Variants in SNTB1 observed in about 807,000 individuals in gnomAD.
SNTB1 encodes syntrophin beta 1, also known as beta-1-syntrophin.
In SNTB1, 36 loss-of-function variants were observed where a neutral mutation model predicts 48.9. The ratio of observed to expected loss-of-function variants is 0.74; its 90% CI spans 0.56 to 0.97. SNTB1 has a LOEUF of 0.97. Ranked by LOEUF, SNTB1 falls within the 50% of genes least tolerant of loss-of-function variation. The pLI is 0.00. For missense variants in SNTB1, 786 were observed against 703.4 expected, an observed-to-expected ratio of 1.12 and a Z score of -1.33; for synonymous variants, 299 against 294.6, an observed-to-expected ratio of 1.01 and a Z score of -0.15.
chr8:120,641,347 AT>A (rs1817193416), intron 2 of SNTB1, among the ~76,000 whole-genome samples: 1 of 152,188 alleles, frequency 6.6e-6, no homozygotes, highest in Non-Finnish European at 1.5e-5. Flanking sequence ...AATATCTATT[AT>A]TCTAGGAATT....
intron 3 of SNTB1, among the ~76,000 whole-genome samples, chr8:120,610,291 T>A (rs1816599271): frequency 6.6e-6 from 1 of 152,080 alleles, no homozygotes; most frequent in Admixed American, 6.5e-5. Context: ...CACATACCAC[T>A]GTGCCCAGCT....
chr8:120,733,056 G>C (rs1184913210), intron 1 of SNTB1, among the ~76,000 whole-genome samples: 1 of 152,198 alleles, frequency 6.6e-6, no homozygotes, highest in Non-Finnish European at 1.5e-5. Context: ...ACATCACAGG[G>C]ATGATTGATA....
chr8:120,569,066 C>T (rs1176216284), intron 4 of SNTB1, among the ~76,000 whole-genome samples: 2 of 152,192 alleles, frequency 1.3e-5, no homozygotes, highest in Admixed American at 6.5e-5. Flanking sequence ...ACTGCAATGC[C>T]GCCTCCCAGG....
chr8:120,560,287 A>G (rs545135250), intron 4 of SNTB1, among the ~76,000 whole-genome samples: 2 of 152,334 alleles, frequency 1.3e-5, no homozygotes, highest in East Asian at 3.9e-4. Context: ...GTTCGAGACC[A>G]GCCTGGCCAA....
At position 120,537,821 on chromosome 8, in the gene SNTB1, A is replaced by G. The variant is rs1815224158; in HGVS notation, c.*1056T>C. 2 of 152,238 alleles carry G rather than the reference A, an allele frequency of 1.3e-5. No homozygotes were observed. The highest frequency in any genetic ancestry group is 1.3e-4 in the Admixed American group (2 of 15,282). 9.4% of individuals were successfully genotyped at this position (152,238 alleles called of 1,614,324 possible). ...CTGGAATTCTGAAAGAACTGCAGAT[A>G]CTGTCAATAGATTTGATTATAGCAT... On this transcript the variant is annotated 3_prime_UTR_variant, in exon 7 of 7. Coordinates refer to ENST00000517992, the MANE Select transcript of SNTB1 (RefSeq NM_021021.4).
chr8:120,771,933 G>C (rs915991642), intron 1 of SNTB1, among the ~76,000 whole-genome samples: 3 of 152,018 alleles, frequency 2.0e-5, no homozygotes, highest in African/African-American at 7.2e-5. Flanking sequence ...GCAGTGGCAC[G>C]CACTTGGCTC....
At chr8:120,773,773 T>C (rs1385614431) in intron 1 of SNTB1, among the ~76,000 whole-genome samples, 5 of 152,232 alleles carry the variant, frequency 3.3e-5, no homozygotes, top group Admixed American at 6.5e-5. Flanking sequence ...ACTATTATTA[T>C]AGAGATAAGG....
At chr8:120,667,264 C>T (rs1294469311) in intron 2 of SNTB1, among the ~76,000 whole-genome samples, 1 of 152,144 alleles carries the variant, frequency 6.6e-6, no homozygotes, top group Non-Finnish European at 1.5e-5. Flanking sequence ...GGTACTACAG[C>T]TGGCTCTAGT....
intron 2 of SNTB1, among the ~76,000 whole-genome samples, chr8:120,685,019 C>T (rs1251641545): frequency 6.6e-6 from 1 of 152,242 alleles, no homozygotes; most frequent in Non-Finnish European, 1.5e-5. Context: ...TCCAGACACA[C>T]TGGGATGGGG....
intron 1 of SNTB1, among the ~76,000 whole-genome samples, chr8:120,787,263 T>C (rs1587162758): frequency 6.6e-6 from 1 of 151,946 alleles, no homozygotes; most frequent in Non-Finnish European, 1.5e-5. Context: ...ATGAAATAGT[T>C]TACCTAAAAA....
intron 3 of SNTB1, among the ~76,000 whole-genome samples, chr8:120,588,227 T>C (rs1036483102): frequency 3.3e-5 from 5 of 152,132 alleles, no homozygotes; most frequent in African/African-American, 1.2e-4. Flanking sequence ...TGTTAAAATG[T>C]AGGGAGTGTC....
At chr8:120,592,466 C>T (rs1816257110) in intron 3 of SNTB1, among the ~76,000 whole-genome samples, 1 of 152,070 alleles carries the variant, frequency 6.6e-6, no homozygotes, top group East Asian at 1.9e-4. Context: ...AGGTGTGATC[C>T]ACTGTGCCTG....
chr8:120,566,541 C>G lies in SNTB1; in HGVS notation c.1136+8545G>C, dbSNP rs531560369. On this transcript the variant is annotated intron_variant, in intron 4 of 6. Transcript: ENST00000517992. ...ACATTTCTATTATTTATAAATTACCCAGGCTAAGGTATTTTGTTATAGCAG... is the reference window on the plus strand; with the variant it reads ...ACATTTCTATTATTTATAAATTACCGAGGCTAAGGTATTTTGTTATAGCAG... 7.9e-5 allele frequency among the ~76,000 whole-genome samples: 12 copies of G among 152,178 alleles called. No individual in the cohort carries two copies. The South Asian group carries it at 2.5e-3, about 32-fold the overall frequency.
chr8:120,620,445 C>G (rs1390190251), intron 3 of SNTB1, among the ~76,000 whole-genome samples: 2 of 152,130 alleles, frequency 1.3e-5, no homozygotes, highest in Non-Finnish European at 2.9e-5. Context: ...AGGTAGGTCT[C>G]CATGCAAAGC....
At chr8:120,738,179 A>G (rs1236709210) in intron 1 of SNTB1, among the ~76,000 whole-genome samples, 1 of 152,180 alleles carries the variant, frequency 6.6e-6, no homozygotes, top group Admixed American at 6.5e-5. Flanking sequence ...TCTATGAACC[A>G]TAAGTGGGCC....
intron 1 of SNTB1, among the ~76,000 whole-genome samples, chr8:120,752,405 C>A (rs927502424): frequency 4.6e-5 from 7 of 151,934 alleles, no homozygotes; most frequent in African/African-American, 1.7e-4. Context: ...CCCTGACCAC[C>A]CTCATAAGAA....
chr8:120,770,258 T>C (rs777760443), intron 1 of SNTB1, among the ~76,000 whole-genome samples: 3 of 152,178 alleles, frequency 2.0e-5, no homozygotes, highest in Non-Finnish European at 4.4e-5. Flanking sequence ...GTGGAGGAAC[T>C]GATACAAAGT....
At chr8:120,576,476 C>T (rs1815952949) in intron 3 of SNTB1, among the ~76,000 whole-genome samples, 1 of 152,126 alleles carries the variant, frequency 6.6e-6, no homozygotes, top group Admixed American at 6.5e-5. Context: ...AATGAGTGAT[C>T]AAAGTAGAGA....
chr8:120,584,960 A>G (rs928390825), intron 3 of SNTB1, among the ~76,000 whole-genome samples: 4 of 152,174 alleles, frequency 2.6e-5, no homozygotes, highest in African/African-American at 7.2e-5. Flanking sequence ...GGAGACAGGC[A>G]TGGAACATAT....
Sources: allele counts gnomAD v4.1 joint callset (sites outside exome capture counted in the v4.1 genomes callset), GRCh38; gene constraint gnomAD v4.1.1; transcripts MANE v1.5; gene names NCBI Gene and HGNC (gene_info 2026-07-23, HGNC 2026-07-21).